Variants in FAM163A observed in about 807,000 individuals in gnomAD.
The protein encoded by FAM163A is family with sequence similarity 163 member A.
Under a neutral mutation model 12.0 loss-of-function variants are expected in FAM163A, and 7 were observed. The observed-to-expected ratio is 0.58, with a 90% confidence interval of 0.33 to 1.10. The LOEUF (loss-of-function observed/expected upper bound fraction) is 1.10, where lower values mean the gene tolerates loss of function less well. Among genes scored for constraint, FAM163A ranks in the 50% least tolerant of loss-of-function variants. FAM163A has a pLI of 0.03. For missense variants in FAM163A, 202 were observed against 218.6 expected (o/e 0.92, Z 0.48); for synonymous variants, 101 against 91.0 (o/e 1.11, Z -0.62).
At chr1:179,735,542 C>T in the FAM163A span, among the ~76,000 whole-genome samples, 1 of 109,758 alleles carries the variant, frequency 9.1e-6, no homozygotes, top group African/African-American at 3.5e-5. Flanking sequence ...CTCGTTGTGT[C>T]GCCCAGGCTG....
rs3075152 is a variant in FAM163A at position 179,792,283 on chromosome 1, T to TTGTGTGTGTG, written c.-135-15480_-135-15471dup. Among the ~76,000 whole-genome samples the TTGTGTGTGTG allele has an allele frequency of 6.7e-3, 893 of 133,640 alleles. 8 individuals are homozygous for TTGTGTGTGTG. The highest frequency in any genetic ancestry group is 0.019 in the East Asian group (84 of 4,410). The allele number at this position is 133,640 out of a possible 152,430, so 87.7% of individuals were successfully genotyped here. A position where few individuals can be genotyped will look rare whatever the true frequency, so the allele number is the denominator to read the frequency against. On this transcript the variant is annotated intron_variant, in intron 1 of 4. Transcript: ENST00000341785. ...TACAGACACATGCCACCATATCTGATTGTGTGTGTGTGTGTGTGTGTGTGT... is the reference window on the plus strand; with the variant it reads ...TACAGACACATGCCACCATATCTGATTGTGTGTGTGTGTGTGTGTGTGTGTGTGTGTGTGT...
chr1:179,744,771 AG>A (rs1206539026), intron 1 of FAM163A, among the ~76,000 whole-genome samples: 1 of 151,914 alleles, frequency 6.6e-6, no homozygotes, highest in Non-Finnish European at 1.5e-5. Flanking sequence ...TGAGATTCCG[AG>A]GGGGCCGCAG....
chr1:179,789,635 T>C (rs1400047060), intron 1 of FAM163A, among the ~76,000 whole-genome samples: 1 of 152,210 alleles, frequency 6.6e-6, no homozygotes, highest in Non-Finnish European at 1.5e-5. Context: ...GAGAATGTCC[T>C]GGGCATGAGC....
chr1:179,761,934 G>T (rs1686876449), intron 1 of FAM163A, among the ~76,000 whole-genome samples: 1 of 152,096 alleles, frequency 6.6e-6, no homozygotes, highest in Non-Finnish European at 1.5e-5. Flanking sequence ...TTGAAACGGA[G>T]ACTCAGAGAG....
chr1:179,786,389 A>C (rs1690632136), intron 1 of FAM163A, among the ~76,000 whole-genome samples: 2 of 152,196 alleles, frequency 1.3e-5, no homozygotes, highest in African/African-American at 4.8e-5. Flanking sequence ...CCAGAGAAAG[A>C]GTCTTAGGGC....
intron 2 of FAM163A, 88 bp downstream of exon 2, chr1:179,807,976 C>T (rs1694187640): frequency 6.6e-6 from 1 of 152,386 alleles, no homozygotes; most frequent in Admixed American, 6.5e-5. Context: ...AAGTCCTGGT[C>T]ACAGAGGGAA....
intron 1 of FAM163A, among the ~76,000 whole-genome samples, chr1:179,784,366 C>G (rs1690299801): frequency 6.6e-6 from 1 of 152,202 alleles, no homozygotes; most frequent in African/African-American, 2.4e-5. Flanking sequence ...CTGTAACTTA[C>G]TGGATGTTGG....
chr1:179,745,636 C>T (rs1285173298), intron 1 of FAM163A, among the ~76,000 whole-genome samples: 1 of 152,150 alleles, frequency 6.6e-6, no homozygotes, highest in African/African-American at 2.4e-5. Context: ...AGAATCTGGC[C>T]TGGTGATTAT....
chr1:179,747,160 A>G (rs556181729), intron 1 of FAM163A, among the ~76,000 whole-genome samples: 80 of 104,226 alleles, frequency 7.7e-4, no homozygotes, highest in African/African-American at 3.5e-3. Flanking sequence ...GAAGAGAGAG[A>G]TGCTTGGAAA....
At chr1:179,788,147 G>T (rs1690916163) in intron 1 of FAM163A, among the ~76,000 whole-genome samples, 1 of 152,172 alleles carries the variant, frequency 6.6e-6, no homozygotes, top group South Asian at 2.1e-4. Context: ...TCAGTGGCAG[G>T]TTTGACTTCA....
chr1:179,755,645 C>T (rs1278804488), intron 1 of FAM163A, among the ~76,000 whole-genome samples: 1 of 152,156 alleles, frequency 6.6e-6, no homozygotes, highest in Non-Finnish European at 1.5e-5. Context: ...TTCAGGAAAA[C>T]AGAATTGATT....
At chr1:179,806,956 G>T (rs1473983044) in intron 1 of FAM163A, among the ~76,000 whole-genome samples, 1 of 152,144 alleles carries the variant, frequency 6.6e-6, no homozygotes. Flanking sequence ...ACACAAAATA[G>T]CTGGGCACGG....
intron 1 of FAM163A, among the ~76,000 whole-genome samples, chr1:179,779,653 G>A (rs1689455608): frequency 6.6e-6 from 1 of 152,210 alleles, no homozygotes; most frequent in East Asian, 1.9e-4. Flanking sequence ...ATGGTAATGT[G>A]CATTCCTATT....
intron 1 of FAM163A, among the ~76,000 whole-genome samples, chr1:179,764,434 G>A (rs762219215): frequency 8.5e-5 from 13 of 152,110 alleles, no homozygotes; most frequent in Non-Finnish European, 1.6e-4. Flanking sequence ...AATGGAAACA[G>A]GTTGTGCAAC....
chr1:179,750,397 G>A (rs991664609), intron 1 of FAM163A, among the ~76,000 whole-genome samples: 4 of 152,216 alleles, frequency 2.6e-5, no homozygotes, highest in Non-Finnish European at 5.9e-5. Context: ...AAGGCCTGGG[G>A]CCATTCAGGA....
intron 1 of FAM163A, among the ~76,000 whole-genome samples, chr1:179,750,532 G>A (rs955462123): frequency 7.2e-5 from 11 of 152,284 alleles, no homozygotes; most frequent in African/African-American, 2.6e-4. Context: ...CAGAGACCAT[G>A]GCTAGAAAGA....
At chr1:179,771,691 G>A (rs970955775) in intron 1 of FAM163A, among the ~76,000 whole-genome samples, 3 of 152,022 alleles carry the variant, frequency 2.0e-5, no homozygotes, top group Non-Finnish European at 2.9e-5. Context: ...CCCCAGAGAC[G>A]GTTCACCGCC....
chr1:179,770,031 G>A (rs899194181), intron 1 of FAM163A, among the ~76,000 whole-genome samples: 18 of 147,544 alleles, frequency 1.2e-4, no homozygotes, highest in African/African-American at 3.8e-4. Flanking sequence ...TCATCCTCCC[G>A]AGTAGCTGGG....
At chr1:179,730,788 C>T in the FAM163A span, among the ~76,000 whole-genome samples, 1 of 152,170 alleles carries the variant, frequency 6.6e-6, no homozygotes, top group East Asian at 1.9e-4. Flanking sequence ...CACTAATTTG[C>T]ATTCAGCAAA....
Sources: allele counts gnomAD v4.1 joint callset (sites outside exome capture counted in the v4.1 genomes callset), GRCh38; gene constraint gnomAD v4.1.1; transcripts MANE v1.5; gene names NCBI Gene and HGNC (gene_info 2026-07-23, HGNC 2026-07-21).